The following UNC5C variants were observed in gnomAD, a reference collection of about 807,000 sequenced individuals.
The protein encoded by UNC5C is unc-5 netrin receptor C, also known as netrin receptor UNC5C.
UNC5C carries 47 observed loss-of-function variants against 99.8 expected under a neutral mutation model. The observed-to-expected ratio is 0.47, with a 90% CI of 0.37 to 0.60. UNC5C has a LOEUF of 0.60. UNC5C is among the 20% of genes least tolerant of loss of function. The pLI is 0.00. For missense variants in UNC5C, 1,062 were observed against 1,165.9 expected, an observed-to-expected ratio of 0.91 and a Z score of 1.30; for synonymous variants, 487 against 452.2, an observed-to-expected ratio of 1.08 and a Z score of -0.98.
In UNC5C at chr4:95,185,637, C is replaced by A. The variant is rs532670567; in HGVS notation, c.2137-441G>T. 2.0e-3 allele frequency among the ~76,000 whole-genome samples: 303 copies of A among 152,292 alleles called. 1 individual carries two copies. Among genetic ancestry groups the A allele is most frequent in the Middle Eastern group, 0.01 (3 of 294 alleles). On this transcript the variant is annotated intron_variant, in intron 12 of 15. Transcript: ENST00000453304. ...GGGACAAATAACTAGAAGAGATACTCATTCCTTGGACTTGATAAAACCAAA... is the reference window on the plus strand; with the variant it reads ...GGGACAAATAACTAGAAGAGATACTAATTCCTTGGACTTGATAAAACCAAA...
At chr4:95,229,267 T>C (rs945487151) in intron 7 of UNC5C, among the ~76,000 whole-genome samples, 7 of 152,068 alleles carry the variant, frequency 4.6e-5, no homozygotes, top group Non-Finnish European at 8.8e-5. Context: ...CCTAATGCTA[T>C]CCCTCCCCTA....
intron 12 of UNC5C, among the ~76,000 whole-genome samples, chr4:95,199,155 G>GGAA (rs1284893801): frequency 6.6e-5 from 10 of 152,226 alleles, no homozygotes; most frequent in African/African-American, 2.4e-4. Flanking sequence ...TGTTGCAAGA[G>GGAA]GAAGTATTTC....
At chr4:95,278,718 G>C (rs543786893) in intron 3 of UNC5C, among the ~76,000 whole-genome samples, 2 of 152,152 alleles carry the variant, frequency 1.3e-5, no homozygotes, top group South Asian at 4.1e-4. Flanking sequence ...GACTTCAAGT[G>C]ATCCTCCCAC....
At chr4:95,215,140 C>G (rs1579237778) in intron 10 of UNC5C, among the ~76,000 whole-genome samples, 1 of 152,054 alleles carries the variant, frequency 6.6e-6, no homozygotes, top group African/African-American at 2.4e-5. Flanking sequence ...TAGTGAAGAA[C>G]AAGGCTAAAA....
intron 1 of UNC5C, among the ~76,000 whole-genome samples, chr4:95,528,269 T>C (rs1239629064): frequency 6.6e-6 from 1 of 152,186 alleles, no homozygotes; most frequent in Non-Finnish European, 1.5e-5. Context: ...TCTAGTTAAT[T>C]ATAGAAATTT....
chr4:95,229,334 T>A (rs375406759), intron 7 of UNC5C, among the ~76,000 whole-genome samples: 12 of 152,042 alleles, frequency 7.9e-5, no homozygotes, highest in African/African-American at 2.9e-4. Flanking sequence ...GTTGGTGTGT[T>A]CTCATTGTTC....
Position 95,544,054 on chromosome 4 carries a change from G to A in UNC5C, c.124+4680C>T, listed in dbSNP as rs528387737. ...TTTACATCTAGATTTCTTTGCCAAC[G>A]GTTTGTAGAATTGAAAGTCAAGGAA... On this transcript the variant is annotated intron_variant, in intron 1 of 15. Transcript: ENST00000453304. 1.8e-4 allele frequency among the ~76,000 whole-genome samples: 28 copies of A among 152,194 alleles called. No individual in the cohort carries two copies. The South Asian group carries it at 5.6e-3, about 30-fold the overall frequency.
At chr4:95,536,937 C>T (rs990010750) in intron 1 of UNC5C, among the ~76,000 whole-genome samples, 4 of 152,096 alleles carry the variant, frequency 2.6e-5, no homozygotes, top group South Asian at 2.1e-4. Context: ...TTTACAATGG[C>T]CTGAACTGAA....
intron 1 of UNC5C, among the ~76,000 whole-genome samples, chr4:95,429,000 G>C (rs901402646): frequency 6.6e-6 from 1 of 151,822 alleles, no homozygotes; most frequent in Non-Finnish European, 1.5e-5. Context: ...TTCTTGTAAG[G>C]CTTCATGTTG....
intron 1 of UNC5C, among the ~76,000 whole-genome samples, chr4:95,396,883 T>A (rs946049985): frequency 6.6e-6 from 1 of 152,238 alleles, no homozygotes; most frequent in African/African-American, 2.4e-5. Flanking sequence ...GAATGCTTTA[T>A]GAAGTAGGTA....
intron 1 of UNC5C, among the ~76,000 whole-genome samples, chr4:95,417,786 G>C (rs1332160753): frequency 1.3e-5 from 2 of 152,162 alleles, no homozygotes; most frequent in Admixed American, 6.6e-5. Flanking sequence ...AAATGTGGTT[G>C]CTGTTGTTTA....
chr4:95,232,649 C>T (rs183746705), intron 7 of UNC5C, among the ~76,000 whole-genome samples: 136 of 152,248 alleles, frequency 8.9e-4, no homozygotes, highest in Admixed American at 2.3e-3. Context: ...TGTTTTCTAA[C>T]CTGTTTGGTG....
At chr4:95,360,571 C>T (rs1442330455) in intron 1 of UNC5C, among the ~76,000 whole-genome samples, 1 of 152,200 alleles carries the variant, frequency 6.6e-6, no homozygotes, top group Non-Finnish European at 1.5e-5. Context: ...TTTCACTGTT[C>T]CTTATGAGCC....
chr4:95,450,150 T>C (rs76064057), intron 1 of UNC5C, among the ~76,000 whole-genome samples: 2,074 of 152,350 alleles, frequency 0.014, 24 homozygotes, highest in Non-Finnish European at 0.022. Context: ...CTTTCCACCA[T>C]GTCATCACTG....
rs569246229 is a variant in UNC5C, at chr4:95,235,665, G to A, written c.1108+6764C>T. Reference sequence around the variant, plus strand: ...CATCTTGAATTAATTTTTGTATAAGGTGTAAGGAAGGGATCCAGTTTCAGC... The same window carrying A: ...CATCTTGAATTAATTTTTGTATAAGATGTAAGGAAGGGATCCAGTTTCAGC... On this transcript the variant is annotated intron_variant, in intron 7 of 15. Coordinates refer to ENST00000453304, the MANE Select transcript of UNC5C (RefSeq NM_003728.4). 6.1e-3 allele frequency among the ~76,000 whole-genome samples: 924 copies of A among 152,276 alleles called. 12 individuals carry two copies. The highest frequency in any genetic ancestry group is 0.021 in the African/African-American group (877 of 41,550).
intron 1 of UNC5C, among the ~76,000 whole-genome samples, chr4:95,428,376 C>G (rs1392576279): frequency 6.6e-6 from 1 of 152,182 alleles, no homozygotes. Flanking sequence ...GCCAATTAAT[C>G]TGCAAGCCTT....
intron 1 of UNC5C, among the ~76,000 whole-genome samples, chr4:95,338,033 T>G (rs1743415080): frequency 6.6e-6 from 1 of 152,014 alleles, no homozygotes; most frequent in African/African-American, 2.4e-5. Context: ...TTGAGAATGA[T>G]ATTAATATAG....
chr4:95,548,732 A>C lies in UNC5C; in HGVS notation c.124+2T>G, dbSNP rs775238215. 1 of 1,612,500 alleles carries C rather than the reference A, an allele frequency of 6.2e-7. No homozygotes were observed. The highest frequency in any genetic ancestry group is 8.5e-7 in the Non-Finnish European group (1 of 1,179,468). ...GCCGCGGAGCTTGGCGGACCCCCTT[A>C]CCTTGGGCGGCGGAGCCAGTGCCGC... On this transcript the variant is annotated splice_donor_variant, in intron 1 of 15. Coordinates refer to ENST00000453304, the MANE Select transcript of UNC5C (RefSeq NM_003728.4). LOFTEE classifies it high-confidence loss of function.
intron 1 of UNC5C, among the ~76,000 whole-genome samples, chr4:95,526,052 A>C (rs1722490815): frequency 6.6e-6 from 1 of 152,204 alleles, no homozygotes; most frequent in Admixed American, 6.5e-5. Context: ...AACTGTTCTG[A>C]CTAATCAATT....
Sources: allele counts gnomAD v4.1 joint callset (sites outside exome capture counted in the v4.1 genomes callset), GRCh38; gene constraint gnomAD v4.1.1; transcripts MANE v1.5; gene names NCBI Gene and HGNC (gene_info 2026-07-23, HGNC 2026-07-21).